The following NDUFA10 variants were observed in gnomAD, a reference collection of about 807,000 sequenced individuals.
NDUFA10 encodes NADH:ubiquinone oxidoreductase subunit A10, also known as NADH dehydrogenase [ubiquinone] 1 alpha subcomplex subunit 10, mitochondrial.
In NDUFA10, 40 loss-of-function variants were observed where a neutral mutation model predicts 47.8. The observed-to-expected ratio is 0.84, with a 90% confidence interval of 0.65 to 1.09. NDUFA10 has a LOEUF of 1.09. Ranked by LOEUF, NDUFA10 falls within the 50% of genes least tolerant of loss-of-function variation. The probability of loss-of-function intolerance (pLI) is 0.00; values close to 1 mark genes in which losing one functional copy is unlikely to be tolerated. For synonymous variants in NDUFA10, 183 were observed against 172.2 expected, an observed-to-expected ratio of 1.06 and a Z score of -0.49; for missense variants, 413 against 451.1, an observed-to-expected ratio of 0.92 and a Z score of 0.76.
intron 9 of NDUFA10, among the ~76,000 whole-genome samples, chr2:239,974,291 G>A (rs1695421991): frequency 1.3e-5 from 2 of 152,292 alleles, no homozygotes; most frequent in Admixed American, 6.5e-5. Flanking sequence ...GCTGGGTGTC[G>A]CCTAGAGTGT....
chr2:239,947,934 G>A (rs1023533667), intron 4 of NDUFA10, among the ~76,000 whole-genome samples: 12 of 152,130 alleles, frequency 7.9e-5, no homozygotes, highest in Admixed American at 4.6e-4. Context: ...CTTCTTGAGC[G>A]TGGGCACTGG....
rs764415074 is a variant in NDUFA10 at position 240,005,237 on chromosome 2, T to TTGTCC, written c.858_862dup (p.Asn288ArgfsTer20). The TTGTCC allele has an allele frequency of 3.7e-6, 6 of 1,614,032 alleles. No homozygotes were observed. In the African/African-American group the frequency reaches 6.7e-5, roughly 18 times the overall value. On this transcript the variant is annotated frameshift_variant, in exon 8 of 10. Coordinates refer to ENST00000252711, the MANE Select transcript of NDUFA10 (RefSeq NM_004544.4). LOFTEE classifies it high-confidence loss of function. ...TAATCGCAGGTGGTATAAAGTGCGA[T>TTGTCC]TGTCCTGCTTGAGCCACGGCCCTTT...
exon 5 of NDUFA10, chr2:239,895,292 C>T (rs1339274089): frequency 4.3e-6 from 2 of 469,036 alleles, no homozygotes; most frequent in Admixed American, 2.4e-5. Flanking sequence ...GCTGACCCAT[C>T]TGTGCTCCTG....
At position 239,906,628 on chromosome 2, in the gene NDUFA10, C is replaced by A. The variant is rs1300745751; in HGVS notation, c.295-11314G>T. Among the ~76,000 whole-genome samples the A allele has an allele frequency of 6.6e-6, 1 of 152,014 alleles. No individual in the cohort carries two copies. The highest frequency in any genetic ancestry group is 1.5e-5 in the Non-Finnish European group (1 of 68,020). The stretch of plus-strand genomic sequence containing the variant: ...TGGATGGCAAGAGCCAACCAGCGTG[C>A]CCCCGGGAATGCTGGTCCAGACGCT... On this transcript the variant is annotated intron_variant, in intron 4 of 5. Coordinates refer to the NDUFA10 transcript ENST00000419408. This position sits in a 1 kb window ranked among gnomAD's most constrained non-coding sequence, Gnocchi z 4.3.
At chr2:239,914,136 T>TAC (rs1243307355) in intron 4 of NDUFA10, among the ~76,000 whole-genome samples, 1 of 149,598 alleles carries the variant, frequency 6.7e-6, no homozygotes, top group Non-Finnish European at 1.5e-5. Flanking sequence ...AATATACAGA[T>TAC]ACACACACAG....
At chr2:239,918,016 G>A (rs1168383853) in intron 4 of NDUFA10, among the ~76,000 whole-genome samples, 2 of 152,132 alleles carry the variant, frequency 1.3e-5, no homozygotes, top group Non-Finnish European at 2.9e-5. Context: ...CAGCAGCCCT[G>A]GACTCCAGGT....
rs77067067 is a variant in NDUFA10, at chr2:239,984,670, G to A, written c.999+5404C>T. ...GTCCCCTCCTGAACAACCAAACAGG[G>A]GACAATGTAGAAAAGAATTCTACAA... On this transcript the variant is annotated intron_variant, in intron 9 of 9. Transcript: ENST00000252711. 9.7e-3 allele frequency among the ~76,000 whole-genome samples: 1,476 copies of A among 152,274 alleles called. 19 individuals are homozygous for A. The highest frequency in any genetic ancestry group is 0.019 in the Admixed American group (295 of 15,298).
chr2:239,937,936 T>C (rs1366294201), intron 4 of NDUFA10, among the ~76,000 whole-genome samples: 1 of 152,212 alleles, frequency 6.6e-6, no homozygotes. Flanking sequence ...AGCACCCCAA[T>C]GTGCCACACT....
intron 6 of NDUFA10, among the ~76,000 whole-genome samples, chr2:240,009,333 T>A (rs1697056874): frequency 6.6e-6 from 1 of 152,362 alleles, no homozygotes; most frequent in Middle Eastern, 3.4e-3. Context: ...CACTGGGAGC[T>A]AGCAGTGTTG....
At chr2:239,938,546 G>A (rs931904555) in intron 4 of NDUFA10, among the ~76,000 whole-genome samples, 3 of 152,212 alleles carry the variant, frequency 2.0e-5, no homozygotes, top group African/African-American at 4.8e-5. Context: ...CCTGGGAGGC[G>A]GCTACTTCCA....
chr2:240,006,591 T>C (rs557771381), intron 7 of NDUFA10, among the ~76,000 whole-genome samples: 1 of 152,378 alleles, frequency 6.6e-6, no homozygotes, highest in African/African-American at 2.4e-5. Context: ...TTTTTAGTAA[T>C]TTATGCTTAA....
intron 4 of NDUFA10, among the ~76,000 whole-genome samples, chr2:239,924,579 C>T (rs1694039510): frequency 1.3e-5 from 2 of 151,040 alleles, no homozygotes; most frequent in African/African-American, 4.9e-5. Context: ...GAACATTTAC[C>T]AAAAAAAAGA....
intron 9 of NDUFA10, among the ~76,000 whole-genome samples, chr2:239,967,664 G>A (rs1695133820): frequency 6.6e-6 from 1 of 152,220 alleles, no homozygotes; most frequent in Non-Finnish European, 1.5e-5. Context: ...CAGGTCCTGC[G>A]CCTGGCAACA....
chr2:239,984,825 G>A (rs748219924), intron 9 of NDUFA10, among the ~76,000 whole-genome samples: 3 of 152,222 alleles, frequency 2.0e-5, no homozygotes, highest in Non-Finnish European at 4.4e-5. Context: ...CAGCAGAGCC[G>A]GGGGGCTGAG....
At chr2:240,024,267 G>A (rs1188208644) in intron 1 of NDUFA10, among the ~76,000 whole-genome samples, 1 of 152,216 alleles carries the variant, frequency 6.6e-6, no homozygotes, top group African/African-American at 2.4e-5. Flanking sequence ...TCCATGCAAT[G>A]AGATATTACT....
intron 9 of NDUFA10, among the ~76,000 whole-genome samples, chr2:239,965,304 CG>C (rs199748387): frequency 6.3e-4 from 94 of 149,418 alleles, no homozygotes; most frequent in Middle Eastern, 3.4e-3. Context: ...GAGAACCATG[CG>C]GGGGGGGAGG....
intron 8 of NDUFA10, among the ~76,000 whole-genome samples, chr2:240,004,687 C>G (rs938646772): frequency 1.3e-5 from 2 of 149,876 alleles, no homozygotes; most frequent in African/African-American, 5.1e-5. Flanking sequence ...GGCTGCTGGG[C>G]GCACCTTCCC....
chr2:239,958,982 A>G lies in NDUFA10; in HGVS notation c.*2136T>C, dbSNP rs943989946. On this transcript the variant is annotated 3_prime_UTR_variant, in exon 10 of 10. Coordinates refer to ENST00000252711, the MANE Select transcript of NDUFA10 (RefSeq NM_004544.4). ...GTAAGAGCTTTCGTGAGACGAACGC[A>G]TGTACTGCTCTGAAATAAGGAAATC... 2.8e-5 allele frequency: 28 copies of G among 985,484 alleles called. No homozygotes were observed. The highest frequency in any genetic ancestry group is 2.8e-5 in the Non-Finnish European group (23 of 829,940). 61.0% of individuals were successfully genotyped at this position (985,484 alleles called of 1,614,324 possible). A position where few individuals can be genotyped will look rare whatever the true frequency, so the allele number is the denominator to read the frequency against.
At chr2:239,942,046 C>T (rs1430935876) in intron 4 of NDUFA10, among the ~76,000 whole-genome samples, 1 of 152,252 alleles carries the variant, frequency 6.6e-6, no homozygotes, top group East Asian at 1.9e-4. Flanking sequence ...TGAAAGATCA[C>T]ACCATGTGTG....
Sources: gnomAD v4.1 joint callset for allele counts (sites outside exome capture counted in the v4.1 genomes callset) on GRCh38, gnomAD v4.1.1 for gene constraint, Gnocchi (gnomAD v3.1) non-coding constraint, MANE v1.5 for transcripts, NCBI Gene and HGNC (gene_info 2026-07-23, HGNC 2026-07-21) for gene names.